Variants in GRM7 observed in about 807,000 individuals in gnomAD.
GRM7 encodes glutamate metabotropic receptor 7.
GRM7 carries 35 observed loss-of-function variants against 84.5 expected under a neutral mutation model. The ratio of observed to expected loss-of-function variants is 0.41; its 90% confidence interval spans 0.32 to 0.55. The LOEUF (loss-of-function observed/expected upper bound fraction) is 0.55. Ranked by LOEUF, GRM7 falls within the 20% of genes least tolerant of loss-of-function variation. The pLI is 0.19. For synonymous variants in GRM7, 487 were observed against 455.1 expected (o/e 1.07, Z -0.89); for missense variants, 1,003 against 1,194.6 (o/e 0.84, Z 2.36).
chr3:7,509,470 G>C (rs1575431640), intron 7 of GRM7, among the ~76,000 whole-genome samples: 1 of 152,190 alleles, frequency 6.6e-6, no homozygotes, highest in Non-Finnish European at 1.5e-5. Context: ...ATCCTCTGCA[G>C]ATAAGGAGGA....
intron 9 of GRM7, among the ~76,000 whole-genome samples, chr3:7,739,248 G>A (rs549927940): frequency 1.2e-4 from 19 of 152,194 alleles, no homozygotes; most frequent in African/African-American, 3.9e-4. Context: ...TACCTGTAAC[G>A]TACTACTTGT....
At chr3:6,869,140 T>C (rs1189396383) in intron 1 of GRM7, among the ~76,000 whole-genome samples, 2 of 152,154 alleles carry the variant, frequency 1.3e-5, no homozygotes, top group Admixed American at 6.5e-5. Context: ...GAAAACACAC[T>C]CTATCAAAGG....
At chr3:7,525,090 G>A (rs527372851) in intron 7 of GRM7, among the ~76,000 whole-genome samples, 121 of 145,592 alleles carry the variant, frequency 8.3e-4, no homozygotes, top group African/African-American at 2.9e-3. Context: ...ACAGGAAGGG[G>A]AACATCACAC....
At position 6,862,734 on chromosome 3, in the gene GRM7, C is replaced by G. The variant is rs1364385301; in HGVS notation, c.519+827C>G. Reference sequence around the variant, plus strand: ...GCCTCCTCCCTCCTCCCCCCCGCCCCCCTCACCCACTATCTCCCTGACGCA... The same window carrying G: ...GCCTCCTCCCTCCTCCCCCCCGCCCGCCTCACCCACTATCTCCCTGACGCA... On this transcript the variant is annotated intron_variant, in intron 1 of 9. Coordinates refer to ENST00000357716, the MANE Select transcript of GRM7 (RefSeq NM_000844.4). This position sits in a 1 kb window ranked among gnomAD's most constrained non-coding sequence, Gnocchi z 5.2. 3.5e-6 allele frequency: 1 copy of G among 287,380 alleles called. No homozygotes were observed. Among genetic ancestry groups the G allele is most frequent in the Non-Finnish European group, 6.9e-6 (1 of 144,302 alleles). The allele number at this position is 287,380 out of a possible 1,614,324, so 17.8% of individuals were successfully genotyped here.
At chr3:7,233,294 A>T (rs1697251778) in intron 2 of GRM7, among the ~76,000 whole-genome samples, 1 of 152,298 alleles carries the variant, frequency 6.6e-6, no homozygotes, top group South Asian at 2.1e-4. Context: ...GGCTAAAAAG[A>T]CTTCTTGATC....
intron 1 of GRM7, among the ~76,000 whole-genome samples, chr3:7,052,810 TTC>T (rs1443067418): frequency 6.7e-6 from 1 of 148,376 alleles, no homozygotes; most frequent in East Asian, 2.0e-4. Flanking sequence ...GGCATTTAGG[TTC>T]TTTCCCATTG....
intron 1 of GRM7, among the ~76,000 whole-genome samples, chr3:6,901,824 C>A (rs910317944): frequency 6.6e-6 from 1 of 150,942 alleles, no homozygotes; most frequent in Non-Finnish European, 1.5e-5. Context: ...TTTTTGCTTC[C>A]ATTTATCTTT....
intron 7 of GRM7, among the ~76,000 whole-genome samples, chr3:7,571,878 G>T (rs536773565): frequency 6.7e-6 from 1 of 148,838 alleles, no homozygotes; most frequent in South Asian, 2.1e-4. Flanking sequence ...AATCATGGCA[G>T]ACTGTGAAAT....
At chr3:6,962,290 T>C (rs750561290) in intron 1 of GRM7, among the ~76,000 whole-genome samples, 7 of 152,220 alleles carry the variant, frequency 4.6e-5, no homozygotes, top group Non-Finnish European at 1.0e-4. Context: ...GTCGAATAAA[T>C]GCATGACAAA....
At chr3:6,949,920 G>A (rs1484535259) in intron 1 of GRM7, among the ~76,000 whole-genome samples, 18 of 152,054 alleles carry the variant, frequency 1.2e-4, no homozygotes, top group Non-Finnish European at 2.9e-5. Context: ...TTCCTTTAAC[G>A]ACTTCTCTGC....
intron 8 of GRM7, among the ~76,000 whole-genome samples, chr3:7,614,448 A>C (rs1302043848): frequency 6.6e-6 from 1 of 152,242 alleles, no homozygotes; most frequent in South Asian, 2.1e-4. Flanking sequence ...CATTCCTCAA[A>C]TGGATTTACA....
Position 6,875,828 on chromosome 3 carries a change from C to T in GRM7, c.519+13921C>T, listed in dbSNP as rs372396433. 2.6e-5 allele frequency among the ~76,000 whole-genome samples: 4 copies of T among 152,252 alleles called. No homozygotes were observed. In the East Asian group the frequency reaches 7.7e-4, roughly 29 times the overall value. On this transcript the variant is annotated intron_variant, in intron 1 of 9. Coordinates refer to ENST00000357716, the MANE Select transcript of GRM7 (RefSeq NM_000844.4). ...AAGTAACATAAAGAACTGGAGTTCT[C>T]TCATATTTTTGCAGAACTCATTAAT...
chr3:7,426,157 T>C (rs1433719969), intron 5 of GRM7, among the ~76,000 whole-genome samples: 4 of 152,044 alleles, frequency 2.6e-5, no homozygotes, highest in African/African-American at 9.7e-5. Flanking sequence ...TTTGCTCTTG[T>C]TTCCCAGGCT....
intron 1 of GRM7, among the ~76,000 whole-genome samples, chr3:6,879,925 G>A (rs1281157257): frequency 1.3e-5 from 2 of 152,190 alleles, no homozygotes; most frequent in Non-Finnish European, 2.9e-5. Context: ...GTGTCACTGT[G>A]TTACAAGAGA....
intron 5 of GRM7, among the ~76,000 whole-genome samples, chr3:7,439,088 G>A (rs528188577): frequency 1.9e-4 from 29 of 152,234 alleles, no homozygotes; most frequent in African/African-American, 7.0e-4. Context: ...GTGAGTGTGA[G>A]AAGGAAAATA....
At chr3:7,119,988 T>C (rs537400752) in intron 1 of GRM7, among the ~76,000 whole-genome samples, 1 of 152,134 alleles carries the variant, frequency 6.6e-6, no homozygotes, top group Non-Finnish European at 1.5e-5. Context: ...CTTTCATTAA[T>C]GTAGCAGATG....
Position 7,572,879 on chromosome 3 carries a change from T to TATATATAA in GRM7, c.1516-5542_1516-5541insTATATAAA, listed in dbSNP as rs1387026609. Among the ~76,000 whole-genome samples the TATATATAA allele has an allele frequency of 5.9e-4, 39 of 66,148 alleles. 3 individuals carry two copies. The highest frequency in any genetic ancestry group is 1.0e-3 in the Non-Finnish European group (31 of 29,612). 43.4% of individuals were successfully genotyped at this position (66,148 alleles called of 152,430 possible). ...ATATATATATATATATATATATATA[T>TATATATAA]AAATAATCTTTCTACCTATAATAAT... On this transcript the variant is annotated intron_variant, in intron 7 of 9. Transcript: ENST00000357716.
chr3:7,640,778 G>C (rs571897569), intron 8 of GRM7, among the ~76,000 whole-genome samples: 17 of 152,138 alleles, frequency 1.1e-4, no homozygotes, highest in Non-Finnish European at 2.4e-4. Flanking sequence ...GAAGCTTTCT[G>C]GAGTGATATC....
At chr3:7,184,886 C>T (rs1695463189) in intron 2 of GRM7, among the ~76,000 whole-genome samples, 1 of 151,868 alleles carries the variant, frequency 6.6e-6, no homozygotes, top group Non-Finnish European at 1.5e-5. Flanking sequence ...CACCTAATTG[C>T]CAGTAATAGT....
Sources: allele counts gnomAD v4.1 joint callset (sites outside exome capture counted in the v4.1 genomes callset), GRCh38; gene constraint gnomAD v4.1.1; non-coding constraint Gnocchi (gnomAD v3.1); transcripts MANE v1.5; gene names NCBI Gene and HGNC (gene_info 2026-07-23, HGNC 2026-07-21).